The following OTOF variants were observed in gnomAD, a reference collection of about 807,000 sequenced individuals.
OTOF encodes the protein fer-1-like family member 2.
A neutral mutation model predicts 236.8 loss-of-function variants in OTOF; 218 were observed. That is an observed-to-expected ratio of 0.92 (90% CI 0.82 to 1.03). The LOEUF is 1.03. Among genes scored for constraint, OTOF ranks in the 50% least tolerant of loss-of-function variants. The probability of loss-of-function intolerance (pLI) is 0.00; values close to 1 mark genes in which losing one functional copy is unlikely to be tolerated. For synonymous variants in OTOF, 1,041 were observed against 1,072.5 expected (o/e 0.97, Z 0.57); for missense variants, 2,590 against 2,694.4 (o/e 0.96, Z 0.86).
intron 31 of OTOF, 108 bp downstream of exon 31, chr2:26,471,013 G>A: frequency 7.1e-7 from 1 of 1,398,792 alleles, no homozygotes; most frequent in Non-Finnish European, 1.0e-6. Flanking sequence ...GCCCAAGCAT[G>A]CGGGGGCTGG....
rs766257419 is a variant in OTOF, at chr2:26,473,332, G to A, written c.3571-38C>T. On this transcript the variant is annotated intron_variant, in intron 28 of 46. Transcript: ENST00000272371. The surrounding 1 kb of genome is among the most constrained non-coding windows in gnomAD (Gnocchi z 7.2). ...CGACAGGAGCCTGAGCCTCCAAGAA[G>A]GGGCAGAGGAAGCCGGCTGGCTGAG... The A allele has an allele frequency of 6.8e-6, 11 of 1,613,228 alleles. No homozygotes were observed. The highest frequency in any genetic ancestry group is 9.3e-6 in the Non-Finnish European group (11 of 1,179,878).
Position 26,460,232 on chromosome 2 carries a change from G to A in OTOF, c.5814-27C>T. ...TGGAGTATGAAGGGTAGAGAGCGCA[G>A]AGGAGGGACAGGGAGGAGAAGGGAT... On this transcript the variant is annotated intron_variant, in intron 45 of 46. Transcript: ENST00000272371. This position sits in a 1 kb window ranked among gnomAD's most constrained non-coding sequence, Gnocchi z 5.3. 1 of 1,576,740 alleles carries A rather than the reference G, an allele frequency of 6.3e-7. No individual in the cohort carries two copies. Among genetic ancestry groups the A allele is most frequent in the Non-Finnish European group, 8.6e-7 (1 of 1,157,650 alleles).
chr2:26,538,749 C>T (rs1466802418), intron 1 of OTOF, among the ~76,000 whole-genome samples: 1 of 151,776 alleles, frequency 6.6e-6, no homozygotes, highest in Non-Finnish European at 1.5e-5. Flanking sequence ...AGGCTCCCAC[C>T]CACAGGTAGC....
At chr2:26,527,386 G>C (rs1446763546) in intron 3 of OTOF, among the ~76,000 whole-genome samples, 1 of 152,216 alleles carries the variant, frequency 6.6e-6, no homozygotes, top group East Asian at 1.9e-4. Context: ...TCTGAGATCA[G>C]GCTTGCCTGA....
chr2:26,496,006 G>A (rs1293732951), intron 8 of OTOF, among the ~76,000 whole-genome samples: 1 of 152,116 alleles, frequency 6.6e-6, no homozygotes, highest in Non-Finnish European at 1.5e-5. Context: ...TGGCCAGTGC[G>A]GCTTTGGTGC....
At chr2:26,532,252 G>A (rs1251638255) in intron 2 of OTOF, among the ~76,000 whole-genome samples, 1 of 152,116 alleles carries the variant, frequency 6.6e-6, no homozygotes, top group Non-Finnish European at 1.5e-5. Flanking sequence ...AAGTGGAGAG[G>A]CGAGAGTTGC....
intron 2 of OTOF, among the ~76,000 whole-genome samples, chr2:26,535,328 C>T (rs1195655866): frequency 2.0e-5 from 3 of 152,178 alleles, no homozygotes; most frequent in Admixed American, 6.5e-5. Flanking sequence ...AGCCTAATTT[C>T]GTCTGTGGAT....
intron 8 of OTOF, among the ~76,000 whole-genome samples, chr2:26,499,750 C>T (rs2148076417): frequency 2.0e-5 from 3 of 152,256 alleles, no homozygotes; most frequent in Middle Eastern, 6.8e-3. Context: ...TCATCTCGGC[C>T]TCTGAAAGTG....
rs565514894 is a variant in OTOF, at chr2:26,554,361, A to G, written c.79+4132T>C. On this transcript the variant is annotated intron_variant, in intron 1 of 46. Coordinates refer to ENST00000272371, the MANE Select transcript of OTOF (RefSeq NM_194248.3). ...CACAGTTGGGGAAATGGAGCCAAAG[A>G]GTGACAGTGCCACAGTGGAAGAACT... Among the ~76,000 whole-genome samples, 9 of 152,140 alleles carry G rather than the reference A, an allele frequency of 5.9e-5. No homozygotes were observed. The East Asian group carries it at 1.7e-3, about 30-fold the overall frequency.
At chr2:26,488,362 G>A (rs1665750120) in intron 11 of OTOF, among the ~76,000 whole-genome samples, 1 of 152,222 alleles carries the variant, frequency 6.6e-6, no homozygotes, top group Admixed American at 6.5e-5. Context: ...ACTCTGAGCA[G>A]TGCATTCACT....
In OTOF at chr2:26,460,588, C is replaced by T; in HGVS notation, c.5813+59G>A. The T allele has an allele frequency of 7.4e-7, 1 of 1,348,952 alleles. No homozygotes were observed. The highest frequency in any genetic ancestry group is 1.2e-5 in the South Asian group (1 of 83,984). 83.6% of individuals were successfully genotyped at this position (1,348,952 alleles called of 1,614,324 possible). On this transcript the variant is annotated intron_variant, in intron 45 of 46. Transcript: ENST00000272371. This position sits in a 1 kb window ranked among gnomAD's most constrained non-coding sequence, Gnocchi z 5.3. ...TGGGGTGTCTGGGGATCGTCTCCTT[C>T]CTGTTCCAGCGCCTCCAAGAGCCAG...
Position 26,477,831 on chromosome 2 carries a change from G to T in OTOF, c.2215-82C>A. 1 of 1,580,662 alleles carries T rather than the reference G, an allele frequency of 6.3e-7. No individual in the cohort carries two copies. The highest frequency in any genetic ancestry group is 2.3e-5 in the East Asian group (1 of 42,872). ...CAAATGCCTCCTCCCTGTTGATCAG[G>T]GGAGTGAGGGACCTCATGATCTGGG... On this transcript the variant is annotated intron_variant, in intron 18 of 46. Coordinates refer to ENST00000272371, the MANE Select transcript of OTOF (RefSeq NM_194248.3). This position sits in a 1 kb window ranked among gnomAD's most constrained non-coding sequence, Gnocchi z 4.7.
chr2:26,558,666 G>T lies in OTOF; in HGVS notation c.-95C>A. On this transcript the variant is annotated 5_prime_UTR_variant, in exon 1 of 47. Coordinates refer to ENST00000272371, the MANE Select transcript of OTOF (RefSeq NM_194248.3). ...ACACGCCTCTCTCTTCTCTGCCGCT[G>T]CCTCCTCCTCCTCCTCCCGACCCCC... 9.2e-7 allele frequency: 1 copy of T among 1,089,008 alleles called. No homozygotes were observed. The highest frequency in any genetic ancestry group is 1.4e-6 in the Non-Finnish European group (1 of 714,666). The allele number at this position is 1,089,008 out of a possible 1,614,324, so 67.5% of individuals were successfully genotyped here. A position where few individuals can be genotyped will look rare whatever the true frequency, so the allele number is the denominator to read the frequency against.
At chr2:26,543,133 C>A (rs1324441221) in intron 1 of OTOF, among the ~76,000 whole-genome samples, 1 of 152,186 alleles carries the variant, frequency 6.6e-6, no homozygotes, top group Non-Finnish European at 1.5e-5. Context: ...TCCTCTACAG[C>A]GACTCTCTGA....
At chr2:26,499,666 A>G (rs894106645) in intron 8 of OTOF, among the ~76,000 whole-genome samples, 1 of 151,952 alleles carries the variant, frequency 6.6e-6, no homozygotes, top group African/African-American at 2.4e-5. Flanking sequence ...CGCCACCACC[A>G]TGCCTGGCTA....
chr2:26,499,722 G>T (rs1296180141), intron 8 of OTOF, among the ~76,000 whole-genome samples: 2 of 152,074 alleles, frequency 1.3e-5, no homozygotes, highest in Non-Finnish European at 2.9e-5. Flanking sequence ...TGTTGGCCAG[G>T]CTGGTCTTGC....
In OTOF at chr2:26,483,539, T is replaced by C. The variant is rs1483326087; in HGVS notation, c.1315A>G (p.Asn439Asp). 8.7e-6 allele frequency: 14 copies of C among 1,614,000 alleles called. No homozygotes were observed. Among genetic ancestry groups the C allele is most frequent in the Non-Finnish European group, 1.2e-5 (14 of 1,180,002 alleles). Residue 439 changes from asparagine (N) to aspartate (D), a missense_variant, in exon 13 of 47, where the codon AAT (asparagine) becomes GAT (aspartate). Transcript: ENST00000272371. ...LPRMNTSLMA[N>D]VKKAFIGENK... Reference sequence around the variant, plus strand: ...TCACCGATGAAAGCCTTCTTTACATTGGCCATGAGGCTTGTGTTCATACGG... The same window carrying C: ...TCACCGATGAAAGCCTTCTTTACATCGGCCATGAGGCTTGTGTTCATACGG...
chr2:26,464,690 C>T (rs894859652), intron 39 of OTOF, among the ~76,000 whole-genome samples, 179 bp downstream of exon 39: 1 of 152,086 alleles, frequency 6.6e-6, no homozygotes, highest in Admixed American at 6.5e-5. Context: ...GGTGGAAGCA[C>T]AGAGGCTGGG....
At position 26,477,363 on chromosome 2, in the gene OTOF, C is replaced by T. The variant is rs973087938; in HGVS notation, c.2406+53G>A. 26 of 1,567,172 alleles carry T rather than the reference C, an allele frequency of 1.7e-5. No individual in the cohort carries two copies. The highest frequency in any genetic ancestry group is 2.3e-5 in the East Asian group (1 of 43,294). On this transcript the variant is annotated intron_variant, in intron 20 of 46. Coordinates refer to ENST00000272371, the MANE Select transcript of OTOF (RefSeq NM_194248.3). The surrounding 1 kb of genome is among the most constrained non-coding windows in gnomAD (Gnocchi z 4.7). ...GCCATGACAAAGGGGGTTGTGACAC[C>T]TTCTCACAACCAGGCCCTCCCTCCA...
Sources: allele counts gnomAD v4.1 joint callset (sites outside exome capture counted in the v4.1 genomes callset), GRCh38; gene constraint gnomAD v4.1.1; non-coding constraint Gnocchi (gnomAD v3.1); transcripts MANE v1.5; gene names NCBI Gene and HGNC (gene_info 2026-07-23, HGNC 2026-07-21).